Variants in MYT1L observed in about 807,000 individuals in gnomAD.
MYT1L encodes the protein myelin transcription factor 1-like protein.
A neutral mutation model predicts 126.7 loss-of-function variants in MYT1L; 12 were observed. That is an observed-to-expected ratio of 0.09 (90% CI 0.06 to 0.15). The LOEUF is 0.15. MYT1L is among the 10% of genes least tolerant of loss of function. The pLI is 1.00. For synonymous variants in MYT1L, 541 were observed against 604.2 expected, an observed-to-expected ratio of 0.90 and a Z score of 1.53; for missense variants, 979 against 1,585.2, an observed-to-expected ratio of 0.62 and a Z score of 6.49.
chr2:2,234,617 A>G (rs981833558), intron 2 of MYT1L, among the ~76,000 whole-genome samples: 1 of 152,216 alleles, frequency 6.6e-6, no homozygotes, highest in Non-Finnish European at 1.5e-5. Flanking sequence ...AGTGCCTCCC[A>G]GAGGGCCTAC....
chr2:2,013,260 C>T (rs890389625), intron 4 of MYT1L, among the ~76,000 whole-genome samples: 6 of 152,148 alleles, frequency 3.9e-5, no homozygotes, highest in South Asian at 2.1e-4. Context: ...ACGGGCCCAG[C>T]GGTCACTTCT....
chr2:2,112,103 G>A (rs572941573), intron 3 of MYT1L, among the ~76,000 whole-genome samples: 32 of 152,280 alleles, frequency 2.1e-4, no homozygotes, highest in Admixed American at 2.6e-4. Context: ...GCCCCCTCCC[G>A]TGTTTGCCCT....
chr2:2,152,512 TCAGACG>T (rs1398980781), intron 3 of MYT1L, among the ~76,000 whole-genome samples: 1 of 151,930 alleles, frequency 6.6e-6, no homozygotes, highest in Non-Finnish European at 1.5e-5. Context: ...AGGGGCAGGG[TCAGACG>T]CAGAGATGGT....
intron 2 of MYT1L, among the ~76,000 whole-genome samples, chr2:2,247,567 C>A (rs989698289): frequency 1.2e-4 from 19 of 152,228 alleles, no homozygotes; most frequent in African/African-American, 3.9e-4. Flanking sequence ...TGAATGGCTA[C>A]AGAATACACA....
In MYT1L at chr2:2,111,255, C is replaced by T. The variant is rs114895454; in HGVS notation, c.-303-57132G>A. 5.6e-3 allele frequency among the ~76,000 whole-genome samples: 852 copies of T among 152,320 alleles called. 5 individuals are homozygous for T. Among genetic ancestry groups the T allele is most frequent in the African/African-American group, 0.02 (815 of 41,584 alleles). ...CCTACCACTCTCACTGAGCTCCAGACATTCATGGTCAAAGATGTCCTTGGC... is the reference window on the plus strand; with the variant it reads ...CCTACCACTCTCACTGAGCTCCAGATATTCATGGTCAAAGATGTCCTTGGC... On this transcript the variant is annotated intron_variant, in intron 3 of 24. Transcript: ENST00000647738.
intron 2 of MYT1L, among the ~76,000 whole-genome samples, chr2:2,262,328 C>A (rs2094989777): frequency 6.6e-6 from 1 of 152,090 alleles, no homozygotes; most frequent in African/African-American, 2.4e-5. Flanking sequence ...AATTATGATT[C>A]CTTCCAGCCT....
At chr2:1,867,640 CG>C (rs1281554173) in intron 18 of MYT1L, among the ~76,000 whole-genome samples, 3 of 152,092 alleles carry the variant, frequency 2.0e-5, no homozygotes, top group Non-Finnish European at 4.4e-5. Flanking sequence ...TGGGGGACCT[CG>C]GGGCGCTCTC....
At chr2:1,838,928 A>G (rs1333754772) in intron 21 of MYT1L, among the ~76,000 whole-genome samples, 1 of 152,216 alleles carries the variant, frequency 6.6e-6, no homozygotes, top group Non-Finnish European at 1.5e-5. Context: ...TCATCTATAG[A>G]TGGGGCTGAG....
intron 3 of MYT1L, among the ~76,000 whole-genome samples, chr2:2,162,976 A>G (rs2088274745): frequency 6.6e-6 from 1 of 152,150 alleles, no homozygotes; most frequent in African/African-American, 2.4e-5. Flanking sequence ...TACTGCCCGC[A>G]CTGATAAAAG....
At chr2:2,308,298 C>T (rs1398557501) in intron 1 of MYT1L, among the ~76,000 whole-genome samples, 1 of 152,104 alleles carries the variant, frequency 6.6e-6, no homozygotes, top group Admixed American at 6.5e-5. Context: ...CTTGCCTACA[C>T]TTCAGTACGT....
rs556864582 is a variant in MYT1L, at chr2:1,866,973, GGAGA to G, written c.2712-15274_2712-15271del. On this transcript the variant is annotated intron_variant, in intron 18 of 24. Transcript: ENST00000647738. ...AGAAACAGAAAGAGAGAGAGAGGGA[GGAGA>G]GAGAGAGAGAGAGAGAGTAAAGCAG... Among the ~76,000 whole-genome samples, 477 of 95,628 alleles carry G rather than the reference GGAGA, an allele frequency of 5.0e-3. 3 individuals are homozygous for G. Among genetic ancestry groups the G allele is most frequent in the African/African-American group, 0.02 (408 of 20,132 alleles). The allele number at this position is 95,628 out of a possible 152,430, so 62.7% of individuals were successfully genotyped here. A position where few individuals can be genotyped will look rare whatever the true frequency, so the allele number is the denominator to read the frequency against.
chr2:2,114,001 T>C (rs968347479), intron 3 of MYT1L, among the ~76,000 whole-genome samples: 33 of 148,738 alleles, frequency 2.2e-4, no homozygotes, highest in African/African-American at 7.5e-4. Context: ...GATAGGAAAA[T>C]AGTTATGAAA....
chr2:1,945,816 C>T (rs145230888), intron 8 of MYT1L, among the ~76,000 whole-genome samples: 2 of 152,224 alleles, frequency 1.3e-5, no homozygotes, highest in Admixed American at 1.3e-4. Context: ...ACAAACATGT[C>T]GCTCCTTAAA....
chr2:2,224,547 C>T lies in MYT1L; in HGVS notation c.-420-51559G>A, dbSNP rs924896209. 4.6e-5 allele frequency among the ~76,000 whole-genome samples: 7 copies of T among 152,106 alleles called. No individual in the cohort carries two copies. The highest frequency in any genetic ancestry group is 7.4e-5 in the Non-Finnish European group (5 of 68,024). On this transcript the variant is annotated intron_variant, in intron 2 of 24. Coordinates refer to ENST00000647738, the MANE Select transcript of MYT1L (RefSeq NM_001303052.2). This position sits in a 1 kb window ranked among gnomAD's most constrained non-coding sequence, Gnocchi z 4.0. ...GAAAATAAATGTTTCAGGCTGGGCA[C>T]GGTGGCTGAAGCCTGTAATCTCAAC...
At chr2:1,820,085 G>A (rs1402665198) in intron 21 of MYT1L, among the ~76,000 whole-genome samples, 1 of 151,942 alleles carries the variant, frequency 6.6e-6, no homozygotes, top group Non-Finnish European at 1.5e-5. Context: ...GAATGAGGGA[G>A]TACAGCCTGA....
intron 21 of MYT1L, among the ~76,000 whole-genome samples, chr2:1,814,183 C>A (rs2037262431): frequency 6.6e-6 from 1 of 152,126 alleles, no homozygotes; most frequent in African/African-American, 2.4e-5. Flanking sequence ...GGCCAGCGAT[C>A]TTCTCTGCCG....
chr2:2,101,747 CCTATCCATCTAT>C (rs2078120720), intron 3 of MYT1L, among the ~76,000 whole-genome samples: 1 of 152,168 alleles, frequency 6.6e-6, no homozygotes, highest in Admixed American at 6.5e-5. Flanking sequence ...CATCCATCCA[CCTATCCATCTAT>C]CTATCCATTT....
At chr2:1,962,023 C>T (rs1357770551) in intron 8 of MYT1L, among the ~76,000 whole-genome samples, 2 of 152,180 alleles carry the variant, frequency 1.3e-5, no homozygotes, top group Non-Finnish European at 2.9e-5. Context: ...CTGACTTGAT[C>T]TCCACGAATT....
At chr2:2,257,102 C>A (rs1018868690) in intron 2 of MYT1L, among the ~76,000 whole-genome samples, 17 of 152,112 alleles carry the variant, frequency 1.1e-4, no homozygotes, top group African/African-American at 4.1e-4. Flanking sequence ...GAATGGGGTC[C>A]AGAACGTCCT....
Sources: gnomAD v4.1 joint callset for allele counts (sites outside exome capture counted in the v4.1 genomes callset) on GRCh38, gnomAD v4.1.1 for gene constraint, Gnocchi (gnomAD v3.1) non-coding constraint, MANE v1.5 for transcripts, NCBI Gene and HGNC (gene_info 2026-07-23, HGNC 2026-07-21) for gene names.